The following COL21A1 variants were observed in gnomAD, a reference collection of about 807,000 sequenced individuals.
The protein encoded by COL21A1 is collagen type XXI alpha 1 chain.
In COL21A1, 149 loss-of-function variants were observed where a neutral mutation model predicts 137.9. The ratio of observed to expected loss-of-function variants is 1.08; its 90% CI spans 0.95 to 1.24. The LOEUF (loss-of-function observed/expected upper bound fraction) is 1.24. Ranked by LOEUF, COL21A1 falls within the 50% of genes most tolerant of loss-of-function variation. COL21A1 has a pLI of 0.00. For missense variants in COL21A1, 1,167 were observed against 1,158.4 expected (o/e 1.01, Z -0.11); for synonymous variants, 456 against 391.5 (o/e 1.16, Z -1.95).
rs374625847 is a variant in COL21A1 at position 56,260,622 on chromosome 6, AG to A, written c.-38-77967del. 3.5e-3 allele frequency among the ~76,000 whole-genome samples: 416 copies of A among 118,790 alleles called. 9 individuals are homozygous for A. Among genetic ancestry groups the A allele is most frequent in the Middle Eastern group, 0.017 (4 of 238 alleles). 77.9% of individuals were successfully genotyped at this position (118,790 alleles called of 152,430 possible). ...GAAGAAGAAGAAGAAAGAAAGAGAG[AG>A]AGAGGAAGGAAGGAAGGAAGGAAGG... On this transcript the variant is annotated intron_variant, in intron 1 of 28. Transcript: ENST00000370819.
chr6:56,342,710 T>A (rs35702599), intron 1 of COL21A1, among the ~76,000 whole-genome samples: 1 of 152,252 alleles, frequency 6.6e-6, no homozygotes, highest in Non-Finnish European at 1.5e-5. Context: ...ATTAATCTTG[T>A]TATCTCCTTT....
At chr6:56,103,690 GTTC>G (rs1345180250) in intron 16 of COL21A1, among the ~76,000 whole-genome samples, 1 of 152,060 alleles carries the variant, frequency 6.6e-6, no homozygotes, top group African/African-American at 2.4e-5. Context: ...AACTTATTAT[GTTC>G]TTCTTACTTT....
chr6:56,082,844 C>A (rs1767908557), intron 17 of COL21A1, among the ~76,000 whole-genome samples: 1 of 151,606 alleles, frequency 6.6e-6, no homozygotes, highest in South Asian at 2.1e-4. Flanking sequence ...AATCTAATAT[C>A]TTCTATATCT....
In COL21A1 at chr6:56,200,715, T is replaced by C. The variant is rs991548472; in HGVS notation, c.-38-18059A>G. 2.2e-4 allele frequency among the ~76,000 whole-genome samples: 34 copies of C among 152,164 alleles called. 1 individual carries two copies. The highest frequency in any genetic ancestry group is 7.5e-4 in the African/African-American group (31 of 41,426). On this transcript the variant is annotated intron_variant, in intron 1 of 29. Coordinates refer to ENST00000244728, the MANE Select transcript of COL21A1 (RefSeq NM_030820.4). ...ATCCAGTATATCATTGTTGGACATATGGCTTGGTTCCAAGTCTTGGCTATT... is the reference window on the plus strand; with the variant it reads ...ATCCAGTATATCATTGTTGGACATACGGCTTGGTTCCAAGTCTTGGCTATT...
chr6:56,207,590 G>C (rs962341232), intron 1 of COL21A1, among the ~76,000 whole-genome samples: 1 of 152,036 alleles, frequency 6.6e-6, no homozygotes, highest in Non-Finnish European at 1.5e-5. Context: ...ATTCACAGCC[G>C]AATTCTGCCA....
intron 17 of COL21A1, among the ~76,000 whole-genome samples, chr6:56,097,912 T>TATATAA (rs1769599773): frequency 2.7e-5 from 1 of 37,176 alleles, no homozygotes; most frequent in Non-Finnish European, 5.7e-5. Flanking sequence ...AATATATAAA[T>TATATAA]ATATATAAAT....
chr6:56,147,428 A>G (rs991840873), intron 10 of COL21A1, among the ~76,000 whole-genome samples: 1 of 151,694 alleles, frequency 6.6e-6, no homozygotes. Context: ...CCAGGAATAC[A>G]GTAAACACCC....
chr6:56,067,036 A>G lies in COL21A1; in HGVS notation c.2127+259T>C, dbSNP rs572461033. Among the ~76,000 whole-genome samples the G allele has an allele frequency of 2.1e-4, 32 of 150,538 alleles. 1 individual carries two copies. Among genetic ancestry groups the G allele is most frequent in the African/African-American group, 7.7e-4 (32 of 41,324 alleles). On this transcript the variant is annotated intron_variant, in intron 23 of 29. Coordinates refer to ENST00000244728, the MANE Select transcript of COL21A1 (RefSeq NM_030820.4). ...TATATGTATATATGTATATAAATAC[A>G]TATTAGAAGTATATAATAAAATTTA...
Position 56,059,161 on chromosome 6 carries a change from T to C in COL21A1, c.2686+4A>G, listed in dbSNP as rs1765573984. 1.9e-6 allele frequency: 3 copies of C among 1,610,716 alleles called. No individual in the cohort carries two copies. The Admixed American group carries it at 5.0e-5, about 27-fold the overall frequency. On this transcript the variant is annotated splice_donor_region_variant and intron_variant, in intron 29 of 29. Coordinates refer to ENST00000244728, the MANE Select transcript of COL21A1 (RefSeq NM_030820.4). ...AACACTTATGAGCAGGTAGCAATTCTCACCTGGGGGACCAGGAGGACCTTG... is the reference window on the plus strand; with the variant it reads ...AACACTTATGAGCAGGTAGCAATTCCCACCTGGGGGACCAGGAGGACCTTG...
chr6:56,309,487 C>T (rs558684289), intron 1 of COL21A1, among the ~76,000 whole-genome samples: 1 of 152,200 alleles, frequency 6.6e-6, no homozygotes, highest in South Asian at 2.1e-4. Flanking sequence ...TTCAGACAAC[C>T]CCAGAGGTAG....
At chr6:56,233,996 A>G (rs1459533686) in intron 1 of COL21A1, among the ~76,000 whole-genome samples, 1 of 151,806 alleles carries the variant, frequency 6.6e-6, no homozygotes, top group Non-Finnish European at 1.5e-5. Flanking sequence ...TATAAATAGG[A>G]TTATAACTTC....
At chr6:56,173,052 A>C (rs572537681) in intron 3 of COL21A1, among the ~76,000 whole-genome samples, 1 of 152,298 alleles carries the variant, frequency 6.6e-6, no homozygotes, top group African/African-American at 2.4e-5. Flanking sequence ...CCCTATCAGT[A>C]ATTACCTTAA....
intron 24 of COL21A1, 113 bp from the exon 25 acceptor site, chr6:56,061,794 T>C (rs1321879577): frequency 3.0e-6 from 2 of 660,718 alleles, no homozygotes. Flanking sequence ...TTGGAAAATA[T>C]TGATAGCATT....
At chr6:56,388,069 C>G (rs2094021681) in intron 1 of COL21A1, among the ~76,000 whole-genome samples, 1 of 152,184 alleles carries the variant, frequency 6.6e-6, no homozygotes, top group Non-Finnish European at 1.5e-5. Context: ...TGGGTACCAG[C>G]TCAGCCACAG....
At chr6:56,191,430 A>C (rs1470926007) in intron 1 of COL21A1, among the ~76,000 whole-genome samples, 1 of 10,366 alleles carries the variant, frequency 9.6e-5, no homozygotes, top group African/African-American at 9.2e-4. Context: ...CTAAAAATAC[A>C]AAAAAAAAAA....
intron 1 of COL21A1, among the ~76,000 whole-genome samples, chr6:56,199,824 G>T (rs1374489966): frequency 6.6e-6 from 1 of 152,106 alleles, no homozygotes; most frequent in Non-Finnish European, 1.5e-5. Context: ...CTACTATGTG[G>T]CAGATACTCT....
intron 16 of COL21A1, among the ~76,000 whole-genome samples, chr6:56,108,009 C>T (rs1771096429): frequency 2.0e-5 from 3 of 151,734 alleles, no homozygotes; most frequent in Non-Finnish European, 1.5e-5. Context: ...AAATTTAACA[C>T]AACAAAGAGT....
upstream of COL21A1, among the ~76,000 whole-genome samples, chr6:56,252,488 T>A (rs1782877172): frequency 6.6e-6 from 1 of 152,114 alleles, no homozygotes; most frequent in African/African-American, 2.4e-5. Context: ...AATATATGAG[T>A]AGCTCCCAGA....
At position 56,077,881 on chromosome 6, in the gene COL21A1, C is replaced by A. The variant is rs530674387; in HGVS notation, c.1813-308G>T. 2.0e-4 allele frequency: 75 copies of A among 366,532 alleles called. 1 individual carries two copies. Among genetic ancestry groups the A allele is most frequent in the South Asian group, 1.7e-3 (73 of 42,830 alleles). The allele number at this position is 366,532 out of a possible 1,614,324, so 22.7% of individuals were successfully genotyped here. A position where few individuals can be genotyped will look rare whatever the true frequency, so the allele number is the denominator to read the frequency against. On this transcript the variant is annotated intron_variant, in intron 17 of 29. Coordinates refer to ENST00000244728, the MANE Select transcript of COL21A1 (RefSeq NM_030820.4). ...AAATTAAAATGATGTTTCATTTGAA[C>A]ACATTCTTGTATTCTAATGAATCAT...
Sources: allele counts gnomAD v4.1 joint callset (sites outside exome capture counted in the v4.1 genomes callset), GRCh38; gene constraint gnomAD v4.1.1; transcripts MANE v1.5; gene names NCBI Gene and HGNC (gene_info 2026-07-23, HGNC 2026-07-21).